OPCML: variants seen among roughly 807,000 people sequenced by gnomAD.
OPCML encodes the protein opioid-binding protein/cell adhesion molecule.
In OPCML, 13 loss-of-function variants were observed where a neutral mutation model predicts 37.8. The observed-to-expected ratio is 0.34, with a 90% CI of 0.22 to 0.55. The LOEUF is 0.55. OPCML is among the 20% of genes least tolerant of loss of function. OPCML has a pLI of 0.91. For synonymous variants in OPCML, 176 were observed against 168.8 expected, an observed-to-expected ratio of 1.04 and a Z score of -0.33; for missense variants, 341 against 435.6, an observed-to-expected ratio of 0.78 and a Z score of 1.93.
chr11:132,987,013 C>T (rs768777390), intron 1 of OPCML, among the ~76,000 whole-genome samples: 6 of 152,152 alleles, frequency 3.9e-5, no homozygotes, highest in Admixed American at 6.5e-5. Context: ...GAGCACAGGA[C>T]TTCAAGACGG....
intron 1 of OPCML, among the ~76,000 whole-genome samples, chr11:133,048,291 T>G (rs1948061310): frequency 6.6e-6 from 1 of 152,092 alleles, no homozygotes; most frequent in Non-Finnish European, 1.5e-5. Flanking sequence ...GACACAGGCG[T>G]GCATTAACTC....
intron 3 of OPCML, among the ~76,000 whole-genome samples, chr11:132,615,891 G>A (rs1793268): frequency 0.17 from 25,673 of 152,174 alleles, 3,205 homozygotes; most frequent in East Asian, 0.65. Flanking sequence ...GTAACCAAGA[G>A]GGAAAAAAAG....
chr11:133,130,888 C>CA (rs375003981), intron 1 of OPCML, among the ~76,000 whole-genome samples: 53 of 147,066 alleles, frequency 3.6e-4, no homozygotes, highest in Middle Eastern at 3.5e-3. Flanking sequence ...TATCCACATG[C>CA]AAAAAAAAAA....
rs1177320669 is a variant in OPCML at position 133,416,714 on chromosome 11, A to AT, written c.61+115549dup. Among the ~76,000 whole-genome samples, 5 of 152,114 alleles carry AT rather than the reference A, an allele frequency of 3.3e-5. No homozygotes were observed. The East Asian group carries it at 9.7e-4, about 29-fold the overall frequency. ...TGTAGTAGAACATGAAATATCTTTGATTTTTTTCCTGGCTCCTGTCACGGA... is the reference window on the plus strand; with the variant it reads ...TGTAGTAGAACATGAAATATCTTTGATTTTTTTTCCTGGCTCCTGTCACGGA... On this transcript the variant is annotated intron_variant, in intron 1 of 7. Transcript: ENST00000524381.
At chr11:132,461,555 A>T (rs1341500807) in intron 4 of OPCML, among the ~76,000 whole-genome samples, 3 of 152,138 alleles carry the variant, frequency 2.0e-5, no homozygotes, top group Non-Finnish European at 4.4e-5. Context: ...TAAACAAAAA[A>T]ATGGTGTTTC....
At chr11:133,169,260 C>T (rs1300207847) in intron 1 of OPCML, among the ~76,000 whole-genome samples, 1 of 152,212 alleles carries the variant, frequency 6.6e-6, no homozygotes, top group Non-Finnish European at 1.5e-5. Context: ...ATAGTGTCTG[C>T]ATTTGAACTT....
At chr11:132,668,155 A>G (rs1942303441) in intron 2 of OPCML, among the ~76,000 whole-genome samples, 1 of 152,214 alleles carries the variant, frequency 6.6e-6, no homozygotes, top group Non-Finnish European at 1.5e-5. Context: ...AAAAGTTGAA[A>G]TAAGTGTGAA....
intron 2 of OPCML, among the ~76,000 whole-genome samples, chr11:132,821,763 C>A (rs1304187756): frequency 6.6e-6 from 1 of 152,144 alleles, no homozygotes; most frequent in Non-Finnish European, 1.5e-5. Context: ...TTCCAGCCTT[C>A]TTCCTTTCCT....
intron 1 of OPCML, among the ~76,000 whole-genome samples, chr11:133,132,556 G>T (rs748785088): frequency 6.6e-6 from 1 of 152,092 alleles, no homozygotes; most frequent in Non-Finnish European, 1.5e-5. Context: ...GAAGGTATAC[G>T]CTAATATTCA....
At chr11:132,690,805 C>A (rs1591733621) in intron 2 of OPCML, among the ~76,000 whole-genome samples, 1 of 152,190 alleles carries the variant, frequency 6.6e-6, no homozygotes, top group Non-Finnish European at 1.5e-5. Flanking sequence ...TCATTGCTCA[C>A]CTCAAGCCTT....
intron 1 of OPCML, among the ~76,000 whole-genome samples, chr11:132,982,611 T>G (rs1226320957): frequency 6.6e-6 from 1 of 152,186 alleles, no homozygotes; most frequent in Non-Finnish European, 1.5e-5. Flanking sequence ...AGCTGGGTTC[T>G]TTGGATAAGT....
At chr11:133,438,715 G>A (rs981040542) in intron 1 of OPCML, among the ~76,000 whole-genome samples, 2 of 152,128 alleles carry the variant, frequency 1.3e-5, no homozygotes, top group Non-Finnish European at 2.9e-5. Flanking sequence ...TTGCCAGGAA[G>A]ACCAAAGCAT....
chr11:132,884,522 A>G (rs1943336229), intron 2 of OPCML, among the ~76,000 whole-genome samples: 1 of 152,232 alleles, frequency 6.6e-6, no homozygotes. Flanking sequence ...ATAAAACAGG[A>G]CTCATGAGGA....
chr11:133,257,532 G>A (rs529153975), intron 1 of OPCML, among the ~76,000 whole-genome samples: 1 of 152,120 alleles, frequency 6.6e-6, no homozygotes. Context: ...CTCTGCTCCT[G>A]TGGCCCCTGG....
At chr11:133,303,384 C>T (rs1178965871) in intron 1 of OPCML, among the ~76,000 whole-genome samples, 1 of 152,162 alleles carries the variant, frequency 6.6e-6, no homozygotes, top group Non-Finnish European at 1.5e-5. Flanking sequence ...TGCCTTATCA[C>T]TTGCTTTCTA....
intron 3 of OPCML, among the ~76,000 whole-genome samples, chr11:132,652,602 C>T (rs189392120): frequency 5.3e-4 from 81 of 152,308 alleles, no homozygotes; most frequent in Non-Finnish European, 9.6e-4. Flanking sequence ...ATGGAGATAA[C>T]GGTCACTGCA....
chr11:132,486,014 A>G (rs1169524003), intron 4 of OPCML, among the ~76,000 whole-genome samples: 1 of 152,220 alleles, frequency 6.6e-6, no homozygotes, highest in African/African-American at 2.4e-5. Flanking sequence ...GTGATTATCA[A>G]CTTACAGGAG....
chr11:133,008,311 G>A (rs1947151598), intron 1 of OPCML: 2 of 985,210 alleles, frequency 2.0e-6, no homozygotes, highest in Non-Finnish European at 2.4e-6. Context: ...CTACTGCCTG[G>A]TAAACAACTA....
chr11:132,456,726 C>T (rs900439064), intron 4 of OPCML, among the ~76,000 whole-genome samples: 9 of 152,180 alleles, frequency 5.9e-5, no homozygotes, highest in African/African-American at 2.2e-4. Context: ...TTGGACTTGT[C>T]AGAGGAAGTT....
Sources: gnomAD v4.1 joint callset for allele counts (sites outside exome capture counted in the v4.1 genomes callset) on GRCh38, gnomAD v4.1.1 for gene constraint, MANE v1.5 for transcripts, NCBI Gene and HGNC (gene_info 2026-07-23, HGNC 2026-07-21) for gene names.